Variants in HHAT observed in about 807,000 individuals in gnomAD.
The protein encoded by HHAT is protein-cysteine N-palmitoyltransferase HHAT.
A neutral mutation model predicts 70.8 loss-of-function variants in HHAT; 47 were observed. That is an observed-to-expected ratio of 0.66 (90% confidence interval 0.53 to 0.85). HHAT has a LOEUF of 0.85. HHAT is among the 40% of genes least tolerant of loss of function. The pLI, the probability that HHAT is intolerant of heterozygous loss-of-function variation, is 0.00. For missense variants in HHAT, 609 were observed against 604.8 expected (o/e 1.01, Z -0.07); for synonymous variants, 228 against 247.6 (o/e 0.92, Z 0.74).
chr1:210,432,501 CGTT>C (rs1434117251), intron 7 of HHAT, among the ~76,000 whole-genome samples: 1 of 151,842 alleles, frequency 6.6e-6, no homozygotes, highest in Non-Finnish European at 1.5e-5. Flanking sequence ...TCATGGTTGA[CGTT>C]GTTCATTTTG....
At chr1:210,640,259 C>T (rs1321630406) in intron 11 of HHAT, among the ~76,000 whole-genome samples, 1 of 152,214 alleles carries the variant, frequency 6.6e-6, no homozygotes, top group Non-Finnish European at 1.5e-5. Flanking sequence ...TACAAACTAA[C>T]TTATCCAAAT....
At chr1:210,534,972 T>G (rs556345253) in intron 9 of HHAT, among the ~76,000 whole-genome samples, 4 of 152,318 alleles carry the variant, frequency 2.6e-5, no homozygotes, top group African/African-American at 9.6e-5. Flanking sequence ...ATGGGAGTAC[T>G]GCTAGCAGGA....
At chr1:210,542,783 A>AGT (rs2148663789) in intron 9 of HHAT, among the ~76,000 whole-genome samples, 1 of 152,300 alleles carries the variant, frequency 6.6e-6, no homozygotes, top group East Asian at 1.9e-4. Flanking sequence ...TGGTTGACAG[A>AGT]GTGAGACCCT....
chr1:210,571,083 T>G (rs1345423754), intron 9 of HHAT, among the ~76,000 whole-genome samples: 1 of 152,218 alleles, frequency 6.6e-6, no homozygotes, highest in African/African-American at 2.4e-5. Context: ...CTTCTTAACC[T>G]CTGAAAATAA....
intron 9 of HHAT, among the ~76,000 whole-genome samples, chr1:210,518,580 G>A (rs1315565125): frequency 1.3e-5 from 2 of 152,114 alleles, no homozygotes; most frequent in African/African-American, 4.8e-5. Context: ...ATCACTTGAG[G>A]CCAGGAGTTT....
chr1:210,510,381 C>T (rs1193139865), intron 8 of HHAT, among the ~76,000 whole-genome samples: 1 of 152,180 alleles, frequency 6.6e-6, no homozygotes, highest in Non-Finnish European at 1.5e-5. Context: ...AACTGATAGC[C>T]ATCCAGACAC....
At chr1:210,491,533 T>C (rs979015926) in intron 8 of HHAT, among the ~76,000 whole-genome samples, 11 of 152,196 alleles carry the variant, frequency 7.2e-5, no homozygotes, top group Admixed American at 5.2e-4. Flanking sequence ...GGTTTTCAGC[T>C]TCTTCATCTG....
intron 3 of HHAT, among the ~76,000 whole-genome samples, chr1:210,363,403 T>C (rs1396278217): frequency 1.3e-5 from 2 of 152,204 alleles, no homozygotes; most frequent in Non-Finnish European, 2.9e-5. Context: ...GCAGCTCATT[T>C]TGTCTACTTT....
chr1:210,579,861 G>T (rs1227948383), intron 9 of HHAT, among the ~76,000 whole-genome samples: 1 of 152,184 alleles, frequency 6.6e-6, no homozygotes, highest in Non-Finnish European at 1.5e-5. Context: ...CAGAGTTTGG[G>T]TTTTGAACTA....
At chr1:210,491,519 C>G (rs2094551964) in intron 8 of HHAT, among the ~76,000 whole-genome samples, 1 of 152,144 alleles carries the variant, frequency 6.6e-6, no homozygotes, top group Non-Finnish European at 1.5e-5. Flanking sequence ...GTTATTATTT[C>G]TTTGGTTTTC....
At chr1:210,537,937 TTTA>T (rs2095390733) in intron 9 of HHAT, among the ~76,000 whole-genome samples, 1 of 152,190 alleles carries the variant, frequency 6.6e-6, no homozygotes, top group African/African-American at 2.4e-5. Flanking sequence ...GATTCTGGGT[TTTA>T]TTGTTGTTAT....
intron 9 of HHAT, among the ~76,000 whole-genome samples, chr1:210,540,986 G>A (rs960746980): frequency 3.3e-5 from 5 of 151,974 alleles, no homozygotes; most frequent in Admixed American, 1.3e-4. Flanking sequence ...GACTACAGGC[G>A]CACGCCGCCA....
At chr1:210,469,569 C>T (rs1249760149) in intron 8 of HHAT, among the ~76,000 whole-genome samples, 1 of 152,078 alleles carries the variant, frequency 6.6e-6, no homozygotes, top group Non-Finnish European at 1.5e-5. Flanking sequence ...AGGCATGCTG[C>T]AGAGATACCA....
intron 8 of HHAT, among the ~76,000 whole-genome samples, chr1:210,477,635 C>G (rs1015733907): frequency 6.6e-6 from 1 of 152,180 alleles, no homozygotes; most frequent in Admixed American, 6.5e-5. Flanking sequence ...AGTAGGCATT[C>G]CATTTCTGGG....
At chr1:210,569,373 C>CAAAAAAAAAAAAAAAA (rs71146233) in intron 9 of HHAT, among the ~76,000 whole-genome samples, 3,257 of 28,314 alleles carry the variant, frequency 0.12, 1,184 homozygotes, top group Non-Finnish European at 0.15. Context: ...GAGTCTGCCT[C>CAAAAAAAAAAAAAAAA]AAAAAAAAAA....
intron 8 of HHAT, among the ~76,000 whole-genome samples, chr1:210,479,598 C>G (rs1445907826): frequency 6.6e-6 from 1 of 152,156 alleles, no homozygotes; most frequent in Non-Finnish European, 1.5e-5. Flanking sequence ...ATGTCATCTC[C>G]CAATAGCATG....
chr1:210,343,015 T>TC (rs1173240569), intron 1 of HHAT, among the ~76,000 whole-genome samples: 3 of 152,150 alleles, frequency 2.0e-5, no homozygotes, highest in African/African-American at 7.2e-5. Context: ...CGTGATCAAC[T>TC]CAGTATACCA....
chr1:210,623,711 T>A, intron 11 of HHAT, 41 bp downstream of exon 11: 1 of 1,599,470 alleles, frequency 6.3e-7, no homozygotes, highest in Non-Finnish European at 8.6e-7. Flanking sequence ...AGTTTCTTGT[T>A]TTCCATGTAT....
intron 8 of HHAT, among the ~76,000 whole-genome samples, chr1:210,468,516 C>A (rs573930253): frequency 6.6e-6 from 1 of 152,252 alleles, no homozygotes; most frequent in East Asian, 1.9e-4. Flanking sequence ...TTGGTGGCTG[C>A]TAGACCTTAA....
Sources: allele counts gnomAD v4.1 joint callset (sites outside exome capture counted in the v4.1 genomes callset), GRCh38; gene constraint gnomAD v4.1.1; transcripts MANE v1.5; gene names NCBI Gene and HGNC (gene_info 2026-07-23, HGNC 2026-07-21).